Variants in DPP6 observed in about 807,000 individuals in gnomAD.
DPP6 encodes dipeptidyl peptidase like 6.
DPP6 carries 69 observed loss-of-function variants against 122.6 expected under a neutral mutation model. The ratio of observed to expected loss-of-function variants is 0.56; its 90% confidence interval spans 0.46 to 0.69. The LOEUF (loss-of-function observed/expected upper bound fraction) is 0.69, where lower values mean the gene tolerates loss of function less well. Among genes scored for constraint, DPP6 ranks in the 30% least tolerant of loss-of-function variants. The probability of loss-of-function intolerance (pLI) is 0.00; values close to 1 mark genes in which losing one functional copy is unlikely to be tolerated. For synonymous variants in DPP6, 418 were observed against 433.1 expected, an observed-to-expected ratio of 0.97 and a Z score of 0.43; for missense variants, 928 against 1,116.9, an observed-to-expected ratio of 0.83 and a Z score of 2.41.
At chr7:154,741,320 G>T (rs1385068845) in intron 8 of DPP6, among the ~76,000 whole-genome samples, 10 of 152,198 alleles carry the variant, frequency 6.6e-5, no homozygotes, top group Admixed American at 6.5e-4. Flanking sequence ...AGGCAACCTG[G>T]CAGAACCCAG....
chr7:154,323,088 T>C (rs1808117292), intron 1 of DPP6, among the ~76,000 whole-genome samples: 1 of 152,012 alleles, frequency 6.6e-6, no homozygotes, highest in Non-Finnish European at 1.5e-5. Context: ...AATGGAATAA[T>C]AAAGAAACTT....
the DPP6 span, among the ~76,000 whole-genome samples, chr7:153,772,490 G>T: frequency 6.6e-6 from 1 of 151,972 alleles, no homozygotes; most frequent in Admixed American, 6.6e-5. Flanking sequence ...TAAGTAATAG[G>T]TTGATAAAAG....
intron 5 of DPP6, among the ~76,000 whole-genome samples, chr7:154,575,528 GT>G (rs1831583478): frequency 1.3e-4 from 16 of 120,906 alleles, no homozygotes; most frequent in Admixed American, 2.6e-4. Context: ...GTGTATGTGC[GT>G]AGTGTATGTG....
At chr7:154,569,772 A>T (rs1041791201) in intron 5 of DPP6, among the ~76,000 whole-genome samples, 1 of 151,364 alleles carries the variant, frequency 6.6e-6, no homozygotes, top group African/African-American at 2.4e-5. Flanking sequence ...TTTCGTCAGG[A>T]TAATTATAAT....
chr7:153,831,608 T>C, the DPP6 span, among the ~76,000 whole-genome samples: 13 of 152,252 alleles, frequency 8.5e-5, no homozygotes, highest in African/African-American at 3.1e-4. Context: ...CAGTAATATG[T>C]AAGCTATTAT....
chr7:154,408,904 G>A (rs1586186722), intron 1 of DPP6, among the ~76,000 whole-genome samples: 1 of 152,154 alleles, frequency 6.6e-6, no homozygotes, highest in African/African-American at 2.4e-5. Context: ...ACTTTGGGAG[G>A]CCGAGGCTGG....
chr7:154,806,491 T>G (rs945264293), intron 15 of DPP6, among the ~76,000 whole-genome samples: 2 of 152,202 alleles, frequency 1.3e-5, no homozygotes, highest in African/African-American at 2.4e-5. Flanking sequence ...TGTCAGGGGA[T>G]GTGGCTTTTG....
the DPP6 span, among the ~76,000 whole-genome samples, chr7:153,822,862 G>A: frequency 3.9e-5 from 6 of 152,012 alleles, no homozygotes; most frequent in Non-Finnish European, 7.4e-5. Context: ...CCTTCTTTAC[G>A]TTTCAAATAA....
chr7:154,597,332 C>A (rs972065113), intron 5 of DPP6, among the ~76,000 whole-genome samples: 2 of 151,948 alleles, frequency 1.3e-5, no homozygotes, highest in African/African-American at 4.8e-5. Flanking sequence ...GGCTGGGCAC[C>A]GTGGCTCATG....
At chr7:154,426,263 T>A (rs921717987) in intron 1 of DPP6, among the ~76,000 whole-genome samples, 23 of 152,200 alleles carry the variant, frequency 1.5e-4, no homozygotes, top group African/African-American at 4.3e-4. Flanking sequence ...TTTAAGAATT[T>A]AACATTTTGG....
chr7:154,445,098 T>A lies in DPP6; in HGVS notation c.244-1116T>A, dbSNP rs1179611455. ...ATTGTCTATTTTAGTTTGTAGCAAT[T>A]TGACACATTCTAAAGAACTTTTAAT... On this transcript the variant is annotated intron_variant, in intron 1 of 25. Transcript: ENST00000377770. Among the ~76,000 whole-genome samples the A allele has an allele frequency of 4.6e-5, 7 of 152,206 alleles. No homozygotes were observed. In the East Asian group the frequency reaches 1.3e-3, roughly 29 times the overall value.
intron 1 of DPP6, among the ~76,000 whole-genome samples, chr7:153,940,204 C>T (rs886830897): frequency 2.0e-5 from 3 of 152,120 alleles, no homozygotes; most frequent in East Asian, 3.9e-4. Context: ...GTCAGTCCAC[C>T]GAAAAGCTGG....
intron 1 of DPP6, among the ~76,000 whole-genome samples, chr7:154,365,735 C>G (rs371054008): frequency 6.6e-6 from 1 of 151,846 alleles, no homozygotes; most frequent in African/African-American, 2.4e-5. Flanking sequence ...GGGCGGATCA[C>G]AAGGTCAGGA....
intron 4 of DPP6, among the ~76,000 whole-genome samples, chr7:154,562,235 G>C (rs1830468083): frequency 6.6e-6 from 1 of 152,000 alleles, no homozygotes; most frequent in Non-Finnish European, 1.5e-5. Flanking sequence ...ATATAAAAAG[G>C]GGTAATACAT....
the DPP6 span, among the ~76,000 whole-genome samples, chr7:153,843,272 GC>G: frequency 5.2e-5 from 2 of 38,696 alleles, no homozygotes; most frequent in African/African-American, 1.3e-4. Flanking sequence ...ACACACGCAT[GC>G]GCGCGCGCAC....
At chr7:154,186,484 T>A (rs1798360849) in intron 1 of DPP6, among the ~76,000 whole-genome samples, 1 of 152,256 alleles carries the variant, frequency 6.6e-6, no homozygotes, top group Non-Finnish European at 1.5e-5. Flanking sequence ...CTCCCTCAGT[T>A]GTATTTGGAA....
intron 4 of DPP6, among the ~76,000 whole-genome samples, chr7:154,558,263 A>G (rs1384354962): frequency 6.6e-6 from 1 of 152,208 alleles, no homozygotes; most frequent in African/African-American, 2.4e-5. Context: ...GACCTCGGTT[A>G]ATTATTGACC....
At chr7:153,971,535 T>A (rs39160) in intron 1 of DPP6, among the ~76,000 whole-genome samples, 8,432 of 131,810 alleles carry the variant, frequency 0.064, 779 homozygotes, top group Middle Eastern at 0.091. Flanking sequence ...TCAGTATTCA[T>A]CCATTCAGTA....
At chr7:154,103,073 G>T (rs1029175946) in intron 1 of DPP6, among the ~76,000 whole-genome samples, 2 of 152,076 alleles carry the variant, frequency 1.3e-5, no homozygotes, top group Non-Finnish European at 2.9e-5. Flanking sequence ...TTTAATTACT[G>T]TCCCCAATGA....
Sources: gnomAD v4.1 joint callset for allele counts (sites outside exome capture counted in the v4.1 genomes callset) on GRCh38, gnomAD v4.1.1 for gene constraint, MANE v1.5 for transcripts, NCBI Gene and HGNC (gene_info 2026-07-23, HGNC 2026-07-21) for gene names.